NAV3: variants seen among roughly 807,000 people sequenced by gnomAD.
The protein encoded by NAV3 is neuron navigator 3, also known as pore membrane and/or filament interacting like protein 1.
NAV3 carries 87 observed loss-of-function variants against 244.7 expected under a neutral mutation model. The ratio of observed to expected loss-of-function variants is 0.36; its 90% CI spans 0.30 to 0.42. The LOEUF is 0.42. NAV3 is among the 20% of genes least tolerant of loss of function. The probability of loss-of-function intolerance (pLI) is 1.00; values close to 1 mark genes in which losing one functional copy is unlikely to be tolerated. For missense variants in NAV3, 2,663 were observed against 2,893.3 expected, an observed-to-expected ratio of 0.92 and a Z score of 1.83; for synonymous variants, 1,126 against 1,042.2, an observed-to-expected ratio of 1.08 and a Z score of -1.55.
At chr12:77,853,472 T>G (rs534771697) in intron 1 of NAV3, among the ~76,000 whole-genome samples, 1 of 152,322 alleles carries the variant, frequency 6.6e-6, no homozygotes, top group South Asian at 2.1e-4. Context: ...AAACATAAAT[T>G]CTTAATTTTA....
At chr12:78,033,328 A>C (rs1274386554) in intron 9 of NAV3, among the ~76,000 whole-genome samples, 1 of 151,962 alleles carries the variant, frequency 6.6e-6, no homozygotes, top group Non-Finnish European at 1.5e-5. Flanking sequence ...GCCACATTAT[A>C]ATTATGTTTA....
At chr12:78,028,883 A>G (rs987554558) in intron 9 of NAV3, among the ~76,000 whole-genome samples, 1 of 152,200 alleles carries the variant, frequency 6.6e-6, no homozygotes, top group Non-Finnish European at 1.5e-5. Context: ...TAGCCCAGTG[A>G]CGAGGTGATC....
intron 2 of NAV3, among the ~76,000 whole-genome samples, chr12:77,578,587 T>A (rs1282526468): frequency 6.6e-6 from 1 of 152,228 alleles, no homozygotes; most frequent in Admixed American, 6.5e-5. Flanking sequence ...AGTCAGCTAA[T>A]GTTGGACTCT....
At chr12:77,832,982 A>G (rs901735077) in intron 1 of NAV3, among the ~76,000 whole-genome samples, 1 of 152,206 alleles carries the variant, frequency 6.6e-6, no homozygotes, top group African/African-American at 2.4e-5. Flanking sequence ...TCAACTCTAG[A>G]AGTGAAAAAG....
At chr12:77,706,974 T>C (rs1414862028) in intron 2 of NAV3, among the ~76,000 whole-genome samples, 1 of 151,784 alleles carries the variant, frequency 6.6e-6, no homozygotes, top group East Asian at 1.9e-4. Flanking sequence ...TTTCACCTGC[T>C]TGGGCTGTTT....
In NAV3 at chr12:78,006,576, C is replaced by A. The variant is rs201482142; in HGVS notation, c.1038C>A (p.Thr346=). 1.2e-6 allele frequency: 2 copies of A among 1,613,972 alleles called. No individual in the cohort carries two copies. Among genetic ancestry groups the A allele is most frequent in the African/African-American group, 2.7e-5 (2 of 74,862 alleles). ...ATGTCAAACACAGTGCCACCTCCAC[C>A]ATGTTGACTGTAAAGCAGTCAAGTA... The part of the protein sequence containing the change: ...SMNVKHSATS[T]MLTVKQSSTA... The change falls in exon 8 of 40, where the codon ACC becomes ACA. Residue 346 remains threonine (T), a synonymous_variant. Coordinates refer to ENST00000397909, the MANE Select transcript of NAV3 (RefSeq NM_001024383.2).
chr12:78,029,701 G>T (rs1158678040), intron 9 of NAV3, among the ~76,000 whole-genome samples: 2 of 152,164 alleles, frequency 1.3e-5, no homozygotes, highest in Admixed American at 1.3e-4. Flanking sequence ...GCTTGTGGTT[G>T]TTTGTGGTTG....
At chr12:78,048,629 G>A (rs1056483427) in intron 9 of NAV3, among the ~76,000 whole-genome samples, 1 of 152,186 alleles carries the variant, frequency 6.6e-6, no homozygotes, top group Admixed American at 6.5e-5. Context: ...GCCTGCTAGA[G>A]CTCTCCTGTA....
rs34534100 is a variant in NAV3, at chr12:78,150,631, T to TCACACA, written c.4785+1747_4785+1752dup. Among the ~76,000 whole-genome samples the TCACACA allele has an allele frequency of 9.7e-3, 1,404 of 144,266 alleles. 7 individuals are homozygous for TCACACA. Among genetic ancestry groups the TCACACA allele is most frequent in the Non-Finnish European group, 0.014 (906 of 66,188 alleles). 94.6% of individuals were successfully genotyped at this position (144,266 alleles called of 152,430 possible). On this transcript the variant is annotated intron_variant, in intron 22 of 39. Coordinates refer to ENST00000397909, the MANE Select transcript of NAV3 (RefSeq NM_001024383.2). ...TTAATACACACGTGCAAAAGCTTCC[T>TCACACA]CACACACACACACACACACACACAC... is the stretch of plus-strand genomic sequence containing the variant.
intron 12 of NAV3, among the ~76,000 whole-genome samples, chr12:78,078,158 C>T (rs1037576290): frequency 6.6e-6 from 1 of 152,074 alleles, no homozygotes; most frequent in Non-Finnish European, 1.5e-5. Flanking sequence ...GATTAGGTCC[C>T]ACTCCAATGA....
intron 1 of NAV3, among the ~76,000 whole-genome samples, chr12:77,903,067 C>T (rs1348406245): frequency 6.6e-6 from 1 of 152,118 alleles, no homozygotes; most frequent in Non-Finnish European, 1.5e-5. Context: ...GGCCATACTG[C>T]CCCAGGTAAT....
At chr12:77,731,543 G>T (rs535845601) in intron 2 of NAV3, among the ~76,000 whole-genome samples, 2 of 151,998 alleles carry the variant, frequency 1.3e-5, no homozygotes, top group South Asian at 2.1e-4. Context: ...TCTAGCCAGG[G>T]TATAAAAACT....
chr12:77,796,837 T>C (rs1592690804), intron 2 of NAV3, among the ~76,000 whole-genome samples: 1 of 134,618 alleles, frequency 7.4e-6, no homozygotes, highest in Admixed American at 7.6e-5. Flanking sequence ...AAAGTATTTT[T>C]AATTAAGGTT....
intron 2 of NAV3, among the ~76,000 whole-genome samples, chr12:77,755,731 T>G (rs1869139421): frequency 6.6e-6 from 1 of 151,000 alleles, no homozygotes; most frequent in African/African-American, 2.4e-5. Context: ...CTCTCTTTCT[T>G]TCTTTTCCTT....
chr12:77,622,821 A>G (rs373032326), intron 2 of NAV3, among the ~76,000 whole-genome samples: 1 of 152,192 alleles, frequency 6.6e-6, no homozygotes, highest in African/African-American at 2.4e-5. Context: ...TATAACTTAT[A>G]TAGTTTAAAA....
chr12:78,089,974 C>T (rs973798803), intron 12 of NAV3, among the ~76,000 whole-genome samples: 12 of 152,042 alleles, frequency 7.9e-5, no homozygotes, highest in African/African-American at 2.9e-4. Flanking sequence ...TCTTTCTCTT[C>T]TACTCTGGAC....
intron 1 of NAV3, among the ~76,000 whole-genome samples, chr12:77,878,345 C>T (rs1181332882): frequency 6.6e-6 from 1 of 152,082 alleles, no homozygotes; most frequent in Non-Finnish European, 1.5e-5. Context: ...ACAGCCTCAG[C>T]CTCCCAAGTA....
chr12:77,665,675 T>G (rs953096481), intron 2 of NAV3, among the ~76,000 whole-genome samples: 30 of 152,174 alleles, frequency 2.0e-4, no homozygotes, highest in African/African-American at 6.5e-4. Context: ...AAGCATCATT[T>G]CATTCATTCT....
intron 2 of NAV3, among the ~76,000 whole-genome samples, chr12:77,607,397 C>A (rs1160686012): frequency 6.6e-6 from 1 of 151,988 alleles, no homozygotes; most frequent in Non-Finnish European, 1.5e-5. Context: ...GACTGAACAA[C>A]TGGATAAGGA....
Sources: allele counts gnomAD v4.1 joint callset (sites outside exome capture counted in the v4.1 genomes callset), GRCh38; gene constraint gnomAD v4.1.1; transcripts MANE v1.5; gene names NCBI Gene and HGNC (gene_info 2026-07-23, HGNC 2026-07-21).